DPYSL3: variants seen among roughly 807,000 people sequenced by gnomAD.
The protein encoded by DPYSL3 is dihydropyrimidinase like 3.
A neutral mutation model predicts 66.1 loss-of-function variants in DPYSL3; 16 were observed. That is an observed-to-expected ratio of 0.24 (90% CI 0.16 to 0.37). The LOEUF (loss-of-function observed/expected upper bound fraction) is 0.37, where lower values mean the gene tolerates loss of function less well. DPYSL3 is among the 10% of genes least tolerant of loss of function. The probability of loss-of-function intolerance (pLI) is 1.00; values close to 1 mark genes in which losing one functional copy is unlikely to be tolerated. For synonymous variants in DPYSL3, 338 were observed against 345.1 expected (o/e 0.98, Z 0.23); for missense variants, 738 against 916.2 (o/e 0.81, Z 2.51).
rs1256464246 is a variant in DPYSL3, at chr5:147,393,951, C to T, written c.*84G>A. ...TTTAGATCACAACCGTTTGGATTCG[C>T]TTTCCTTCTTAAATATCGGTGTACC... On this transcript the variant is annotated 3_prime_UTR_variant, in exon 14 of 14. Transcript: ENST00000343218. 1.9e-5 allele frequency: 26 copies of T among 1,403,034 alleles called. No individual in the cohort carries two copies. The highest frequency in any genetic ancestry group is 2.8e-5 in the African/African-American group (2 of 70,300). The allele number at this position is 1,403,034 out of a possible 1,614,324, so 86.9% of individuals were successfully genotyped here. A position where few individuals can be genotyped will look rare whatever the true frequency, so the allele number is the denominator to read the frequency against.
intron 1 of DPYSL3, chr5:147,453,576 T>C: frequency 6.5e-7 from 1 of 1,539,544 alleles, no homozygotes. Flanking sequence ...TCTTCTTGCC[T>C]TGGTAGGACA....
chr5:147,433,863 C>T (rs1402995811), intron 1 of DPYSL3, among the ~76,000 whole-genome samples: 2 of 152,078 alleles, frequency 1.3e-5, no homozygotes, highest in African/African-American at 4.8e-5. Flanking sequence ...GAAACCCCGT[C>T]TCTACTAAAA....
chr5:147,419,010 A>C (rs1309835140), intron 2 of DPYSL3, among the ~76,000 whole-genome samples: 1 of 152,200 alleles, frequency 6.6e-6, no homozygotes, highest in Non-Finnish European at 1.5e-5. Context: ...GAATCTAAAG[A>C]GTATAAAATA....
Position 147,471,933 on chromosome 5 carries a change from C to T in DPYSL3, c.381+37545G>A, listed in dbSNP as rs367625904. Among the ~76,000 whole-genome samples the T allele has an allele frequency of 2.7e-4, 41 of 152,312 alleles. No homozygotes were observed. In the South Asian group the frequency reaches 8.5e-3, roughly 32 times the overall value. On this transcript the variant is annotated intron_variant, in intron 1 of 13. Coordinates refer to ENST00000343218, the MANE Select transcript of DPYSL3 (RefSeq NM_001197294.2). The stretch of plus-strand genomic sequence containing the variant: ...ACATCTCTCCCGCTCTCTCTTTCTT[C>T]TCCCACTCCTCTCAGGCTTCGAGGT...
At chr5:147,397,990 G>A in intron 11 of DPYSL3, 145 bp from the exon 12 acceptor site, 1 of 767,344 alleles carries the variant, frequency 1.3e-6, no homozygotes, top group Non-Finnish European at 2.0e-6. Context: ...AGCATCCAGT[G>A]GGTAGAAGGC....
At chr5:147,422,180 A>C (rs1752094515) in intron 2 of DPYSL3, among the ~76,000 whole-genome samples, 1 of 152,218 alleles carries the variant, frequency 6.6e-6, no homozygotes, top group Admixed American at 6.5e-5. Flanking sequence ...CCATCAAAAA[A>C]ATGGGCAAAG....
intron 11 of DPYSL3, 118 bp from the exon 12 acceptor site, chr5:147,397,963 C>T (rs1004458942): frequency 1.9e-6 from 2 of 1,077,948 alleles, no homozygotes; most frequent in Middle Eastern, 3.2e-4. Context: ...CCAGGAAAAG[C>T]TCACCATGCA....
rs561604780 is a variant in DPYSL3 at position 147,478,838 on chromosome 5, A to T, written c.381+30640T>A. Among the ~76,000 whole-genome samples, 111 of 152,296 alleles carry T rather than the reference A, an allele frequency of 7.3e-4. 1 individual carries two copies. The highest frequency in any genetic ancestry group is 1.0e-3 in the Non-Finnish European group (71 of 68,038). The stretch of plus-strand genomic sequence containing the variant: ...TGAGACCCCTACTGTACTGCCTATC[A>T]TACTGTACTGTAAGTGTGTCAGGGA... On this transcript the variant is annotated intron_variant, in intron 1 of 13. Coordinates refer to ENST00000343218, the MANE Select transcript of DPYSL3 (RefSeq NM_001197294.2).
chr5:147,453,947 C>T (rs575494280), intron 1 of DPYSL3: 2 of 309,828 alleles, frequency 6.5e-6, no homozygotes, highest in Non-Finnish European at 5.8e-6. Context: ...TGATTTTCCT[C>T]TTTGCATCTG....
In DPYSL3 at chr5:147,395,572, T is replaced by A; in HGVS notation, c.1953A>T (p.Gly651=). The part of the protein sequence containing the change: ...NPPVRNLHQS[G]FSLSGTQVDE... Reference sequence around the variant, plus strand: ...TGTCCCACTCACCTGACAGGCTAAATCCCGACTGATGAAGATTCCTCACAG... The same window carrying A: ...TGTCCCACTCACCTGACAGGCTAAAACCCGACTGATGAAGATTCCTCACAG... Residue 651 remains glycine (G), a synonymous_variant, in exon 13 of 14, where the codon GGA becomes GGT. Transcript: ENST00000343218. The A allele has an allele frequency of 6.2e-7, 1 of 1,612,934 alleles. No individual in the cohort carries two copies.
rs143883075 is a variant in DPYSL3 at position 147,475,798 on chromosome 5, A to G, written c.381+33680T>C. On this transcript the variant is annotated intron_variant, in intron 1 of 13. Coordinates refer to ENST00000343218, the MANE Select transcript of DPYSL3 (RefSeq NM_001197294.2). ...GACTCAAACTCTTGAAAATATTTGT[A>G]AAGGTTTTTGAGCAGACAGTTATCC... Among the ~76,000 whole-genome samples the G allele has an allele frequency of 3.8e-3, 581 of 152,258 alleles. 7 individuals carry two copies. Among genetic ancestry groups the G allele is most frequent in the African/African-American group, 0.013 (552 of 41,574 alleles).
intron 1 of DPYSL3, among the ~76,000 whole-genome samples, chr5:147,491,017 T>C (rs1318027045): frequency 6.6e-6 from 1 of 152,204 alleles, no homozygotes; most frequent in East Asian, 1.9e-4. Context: ...TAAAGCATGC[T>C]GTTCATAGGA....
chr5:147,465,138 G>A (rs950116204), intron 1 of DPYSL3, among the ~76,000 whole-genome samples: 1 of 152,182 alleles, frequency 6.6e-6, no homozygotes, highest in Non-Finnish European at 1.5e-5. Flanking sequence ...AGGCTGCAGT[G>A]AGCTGTGATC....
At chr5:147,444,413 TAAAC>T (rs1042784041) in intron 1 of DPYSL3, among the ~76,000 whole-genome samples, 2 of 152,218 alleles carry the variant, frequency 1.3e-5, no homozygotes, top group Non-Finnish European at 2.9e-5. Flanking sequence ...TTCTTATTAT[TAAAC>T]TAACTTTTGC....
intron 1 of DPYSL3, among the ~76,000 whole-genome samples, chr5:147,498,594 A>C (rs1753556744): frequency 6.6e-6 from 1 of 151,922 alleles, no homozygotes; most frequent in South Asian, 2.1e-4. Context: ...AACCTCACCA[A>C]TGTCTATTAT....
chr5:147,402,423 C>G (rs553984084), intron 8 of DPYSL3, among the ~76,000 whole-genome samples: 69 of 135,388 alleles, frequency 5.1e-4, no homozygotes, highest in Non-Finnish European at 8.4e-4. Flanking sequence ...TCTCGGCTCA[C>G]TGCAAGCTCC....
At chr5:147,433,808 C>T (rs979242316) in intron 1 of DPYSL3, among the ~76,000 whole-genome samples, 13 of 152,170 alleles carry the variant, frequency 8.5e-5, no homozygotes, top group East Asian at 1.9e-4. Flanking sequence ...CCAAGGCGGG[C>T]GGATCACGAG....
At chr5:147,405,160 T>C (rs1350244729) in intron 8 of DPYSL3, among the ~76,000 whole-genome samples, 4 of 152,212 alleles carry the variant, frequency 2.6e-5, no homozygotes, top group African/African-American at 9.6e-5. Flanking sequence ...GACAAACACC[T>C]AATACCATTG....
At chr5:147,456,163 A>G (rs977749743) in intron 1 of DPYSL3, among the ~76,000 whole-genome samples, 2 of 152,226 alleles carry the variant, frequency 1.3e-5, no homozygotes, top group Admixed American at 6.5e-5. Context: ...CTTGAACCAA[A>G]ATAAAGCCTC....
Sources: allele counts gnomAD v4.1 joint callset (sites outside exome capture counted in the v4.1 genomes callset), GRCh38; gene constraint gnomAD v4.1.1; transcripts MANE v1.5; gene names NCBI Gene and HGNC (gene_info 2026-07-23, HGNC 2026-07-21).